MICALL2: variants seen among roughly 807,000 people sequenced by gnomAD.
The protein encoded by MICALL2 is MICAL-like protein 2.
MICALL2 carries 111 observed loss-of-function variants against 91.1 expected under a neutral mutation model. The ratio of observed to expected loss-of-function variants is 1.22; its 90% CI spans 1.04 to 1.43. MICALL2 has a LOEUF of 1.43. MICALL2 is among the 40% of genes most tolerant of loss of function. The pLI, the probability that MICALL2 is intolerant of heterozygous loss-of-function variation, is 0.00. For missense variants in MICALL2, 1,556 were observed against 1,236.0 expected (o/e 1.26, Z -3.88); for synonymous variants, 694 against 525.3 (o/e 1.32, Z -4.39).
chr7:1,458,398 C>T (rs1298657238), intron 1 of MICALL2, among the ~76,000 whole-genome samples: 1 of 152,246 alleles, frequency 6.6e-6, no homozygotes, highest in Admixed American at 6.5e-5. Context: ...CGTTGAGGGC[C>T]CCCCTTCCTG....
chr7:1,434,980 T>TGCCC, intron 16 of MICALL2, 121 bp downstream of exon 16: 1 of 628,932 alleles, frequency 1.6e-6, no homozygotes, highest in Non-Finnish European at 2.8e-6. Context: ...GGGGACCCGA[T>TGCCC]ACCCGCCCCC....
intron 15 of MICALL2, among the ~76,000 whole-genome samples, chr7:1,435,704 T>TCACA (rs2128518433): frequency 6.6e-6 from 1 of 152,360 alleles, no homozygotes; most frequent in East Asian, 1.9e-4. Flanking sequence ...TCGGGGACAG[T>TCACA]CACACAGTCC....
chr7:1,449,593 C>T (rs10226521), intron 2 of MICALL2, among the ~76,000 whole-genome samples: 16,036 of 152,302 alleles, frequency 0.11, 956 homozygotes, highest in Admixed American at 0.18. Flanking sequence ...CAGTGCCGGC[C>T]GGGCAGGTAT....
At chr7:1,436,542 ACT>A (rs1246115159) in intron 15 of MICALL2, among the ~76,000 whole-genome samples, 198 bp downstream of exon 15, 17 of 122,964 alleles carry the variant, frequency 1.4e-4, no homozygotes, top group African/African-American at 4.6e-4. Context: ...ACAGAGCAAG[ACT>A]CTGTCTCAAA....
Position 1,434,486 on chromosome 7 carries a change from G to C in MICALL2, c.*110C>G, listed in dbSNP as rs767121495. 9.6e-5 allele frequency: 94 copies of C among 983,994 alleles called. No individual in the cohort carries two copies. Among genetic ancestry groups the C allele is most frequent in the Non-Finnish European group, 1.5e-4 (91 of 614,720 alleles). The allele number at this position is 983,994 out of a possible 1,614,324, so 61.0% of individuals were successfully genotyped here. On this transcript the variant is annotated 3_prime_UTR_variant, in exon 17 of 17. Coordinates refer to ENST00000297508, the MANE Select transcript of MICALL2 (RefSeq NM_182924.4). ...CAAGTCCGAATGCCGGGTCCGGGCC[G>C]AGCCCACGGCCCCGAGTACAAGTCC...
chr7:1,456,571 G>A (rs898419681), intron 1 of MICALL2, among the ~76,000 whole-genome samples: 1 of 152,004 alleles, frequency 6.6e-6, no homozygotes. Context: ...GGGCGACAGA[G>A]CTAGACTCTG....
At chr7:1,443,007 A>G (rs903812488) in intron 6 of MICALL2, among the ~76,000 whole-genome samples, 1 of 151,828 alleles carries the variant, frequency 6.6e-6, no homozygotes, top group Non-Finnish European at 1.5e-5. Flanking sequence ...TCAGGCACAC[A>G]CCAGGAGTGA....
At chr7:1,457,384 G>A (rs116455988) in intron 1 of MICALL2, among the ~76,000 whole-genome samples, 76 of 152,296 alleles carry the variant, frequency 5.0e-4, no homozygotes, top group African/African-American at 1.8e-3. Flanking sequence ...CGGAGCTGGG[G>A]GCAGAGGGCC....
intron 4 of MICALL2, among the ~76,000 whole-genome samples, chr7:1,447,219 G>A (rs926431745): frequency 1.3e-5 from 2 of 152,328 alleles, no homozygotes; most frequent in Non-Finnish European, 1.5e-5. Flanking sequence ...CCCCAACTCC[G>A]CTTCTGAGAA....
Position 1,450,282 on chromosome 7 carries a change from G to A in MICALL2, c.150C>T (p.Phe50=). 1 of 1,612,770 alleles carries A rather than the reference G, an allele frequency of 6.2e-7. No homozygotes were observed. Residue 50 remains phenylalanine (F), a synonymous_variant, in exon 2 of 17, where the codon TTC becomes TTT. Coordinates refer to ENST00000297508, the MANE Select transcript of MICALL2 (RefSeq NM_182924.4). ...LHRHRPDLIN[F]SALKKENIYE... ...AAATATTTTCCTTCTTGAGAGCACT[G>A]AAGTTTCTGGAAGATAAAAACATGA...
rs1440411182 is a variant in MICALL2 at position 1,437,875 on chromosome 7, C to T, written c.2402+15G>A. 16 of 1,547,230 alleles carry T rather than the reference C, an allele frequency of 1.0e-5. No individual in the cohort carries two copies. The highest frequency in any genetic ancestry group is 2.7e-5 in the African/African-American group (2 of 72,948). ...GTCCTGGCCTTCGAGGAGGGGCCCA[C>T]GGCTGGGCTCTCACTTGTACATCAG... On this transcript the variant is annotated intron_variant, in intron 13 of 16. Transcript: ENST00000297508.
chr7:1,455,658 A>G (rs1381499390), intron 1 of MICALL2, among the ~76,000 whole-genome samples: 1 of 151,902 alleles, frequency 6.6e-6, no homozygotes, highest in Non-Finnish European at 1.5e-5. Flanking sequence ...GGTGGGGCAG[A>G]GGCAGAACCA....
intron 15 of MICALL2, among the ~76,000 whole-genome samples, chr7:1,435,733 G>A (rs917016853): frequency 3.3e-5 from 5 of 152,240 alleles, no homozygotes; most frequent in Non-Finnish European, 7.3e-5. Flanking sequence ...GCCAGGAGAC[G>A]CACGTGGCCT....
At chr7:1,434,743 C>T in intron 16 of MICALL2, 71 bp from the exon 17 acceptor site, 1 of 1,435,886 alleles carries the variant, frequency 7.0e-7, no homozygotes, top group Non-Finnish European at 9.4e-7. Context: ...CACAAGTCCC[C>T]CTGCCAGAAA....
rs1237270805 is a variant in MICALL2 at position 1,451,749 on chromosome 7, C to G, written c.144-1461G>C. On this transcript the variant is annotated intron_variant, in intron 1 of 16. Transcript: ENST00000297508. The surrounding 1 kb of genome is among the most constrained non-coding windows in gnomAD (Gnocchi z 4.5). ...ACAACCGCAGCTCCTGGTGGCGAAT[C>G]TGACGGCCGTAGCTGCAGCAAACAG... 1.3e-5 allele frequency among the ~76,000 whole-genome samples: 2 copies of G among 152,238 alleles called. No individual in the cohort carries two copies. Among genetic ancestry groups the G allele is most frequent in the African/African-American group, 4.8e-5 (2 of 41,462 alleles).
chr7:1,434,476 G>A lies in MICALL2; in HGVS notation c.*120C>T, dbSNP rs911490128. ...TTCCCGAGTCCAAGTCCGAATGCCG[G>A]GTCCGGGCCGAGCCCACGGCCCCGA... On this transcript the variant is annotated 3_prime_UTR_variant, in exon 17 of 17. Transcript: ENST00000297508. The A allele has an allele frequency of 3.4e-6, 3 of 881,432 alleles. No individual in the cohort carries two copies. The highest frequency in any genetic ancestry group is 3.7e-5 in the Admixed American group (2 of 53,826). 54.6% of individuals were successfully genotyped at this position (881,432 alleles called of 1,614,324 possible).
intron 1 of MICALL2, among the ~76,000 whole-genome samples, chr7:1,458,591 C>A (rs926632934): frequency 3.3e-5 from 5 of 152,264 alleles, no homozygotes; most frequent in African/African-American, 1.2e-4. Context: ...TGGGGAGAGA[C>A]AGCCTAGTCC....
chr7:1,434,899 GCT>G (rs747016793), intron 16 of MICALL2, 200 bp downstream of exon 16: 3 of 712,476 alleles, frequency 4.2e-6, no homozygotes, highest in Non-Finnish European at 6.9e-6. Flanking sequence ...GCTGCCCCTG[GCT>G]CTCTTAGGGG....
At chr7:1,437,164 C>T (rs1473369256) in intron 14 of MICALL2, 23 of 485,872 alleles carry the variant, frequency 4.7e-5, no homozygotes, top group Non-Finnish European at 7.2e-5. Context: ...GGCAGACGGC[C>T]TGGGCCTGTG....
Sources: gnomAD v4.1 joint callset for allele counts (sites outside exome capture counted in the v4.1 genomes callset) on GRCh38, gnomAD v4.1.1 for gene constraint, Gnocchi (gnomAD v3.1) non-coding constraint, MANE v1.5 for transcripts, NCBI Gene and HGNC (gene_info 2026-07-23, HGNC 2026-07-21) for gene names.